The following PAPPA2 variants were observed in gnomAD, a reference collection of about 807,000 sequenced individuals.
PAPPA2 encodes the protein pappalysin 2, also known as pappalysin-2.
PAPPA2 carries 86 observed loss-of-function variants against 176.4 expected under a neutral mutation model. That is an observed-to-expected ratio of 0.49 (90% CI 0.41 to 0.58). The LOEUF (loss-of-function observed/expected upper bound fraction) is 0.58, where lower values mean the gene tolerates loss of function less well. Ranked by LOEUF, PAPPA2 falls within the 20% of genes least tolerant of loss-of-function variation. The pLI, the probability that PAPPA2 is intolerant of heterozygous loss-of-function variation, is 0.00. For synonymous variants in PAPPA2, 809 were observed against 852.2 expected, an observed-to-expected ratio of 0.95 and a Z score of 0.88; for missense variants, 2,073 against 2,256.9, an observed-to-expected ratio of 0.92 and a Z score of 1.65.
intron 1 of PAPPA2, among the ~76,000 whole-genome samples, chr1:176,520,767 T>G (rs138865401): frequency 6.6e-6 from 1 of 152,204 alleles, no homozygotes; most frequent in Non-Finnish European, 1.5e-5. Context: ...GGACTGGTCT[T>G]GCAACCAGCC....
At chr1:176,692,614 C>CTCTG (rs1381478547) in intron 6 of PAPPA2, among the ~76,000 whole-genome samples, 1 of 152,212 alleles carries the variant, frequency 6.6e-6, no homozygotes, top group Non-Finnish European at 1.5e-5. Context: ...TGCCATTTGT[C>CTCTG]TCTGTCAGCT....
At chr1:176,840,056 G>T (rs1667426430) in intron 21 of PAPPA2, 117 bp from the exon 22 acceptor site, 1 of 776,666 alleles carries the variant, frequency 1.3e-6, no homozygotes, top group African/African-American at 1.7e-5. Context: ...TGCACCTTGG[G>T]TGCTTTTCTG....
chr1:176,495,667 G>A (rs372270960), intron 1 of PAPPA2, among the ~76,000 whole-genome samples: 1 of 152,038 alleles, frequency 6.6e-6, no homozygotes, highest in African/African-American at 2.4e-5. Flanking sequence ...GTGCCTCTCA[G>A]TTAAAATATA....
At chr1:176,784,080 A>G (rs1381462156) in intron 17 of PAPPA2, among the ~76,000 whole-genome samples, 4 of 152,162 alleles carry the variant, frequency 2.6e-5, no homozygotes, top group Non-Finnish European at 1.5e-5. Flanking sequence ...AAATCGCTTC[A>G]TGGTTACTAA....
At chr1:176,464,536 C>T (rs921199200) in intron 1 of PAPPA2, among the ~76,000 whole-genome samples, 2 of 152,140 alleles carry the variant, frequency 1.3e-5, no homozygotes, top group African/African-American at 4.8e-5. Flanking sequence ...TTTTATTTTG[C>T]ACCAGGCCTT....
At chr1:176,529,956 G>A (rs765397609) in intron 1 of PAPPA2, among the ~76,000 whole-genome samples, 1 of 152,018 alleles carries the variant, frequency 6.6e-6, no homozygotes, top group African/African-American at 2.4e-5. Context: ...CAATACCAAT[G>A]GACTGGAGAT....
chr1:176,695,167 G>T (rs78894857), intron 6 of PAPPA2, among the ~76,000 whole-genome samples: 2,678 of 152,302 alleles, frequency 0.018, 81 homozygotes, highest in African/African-American at 0.062. Context: ...AGTAGGTGAG[G>T]CTGGAGCTAG....
At chr1:176,561,737 G>A (rs981186799) in intron 2 of PAPPA2, among the ~76,000 whole-genome samples, 6 of 152,142 alleles carry the variant, frequency 3.9e-5, no homozygotes, top group African/African-American at 1.4e-4. Flanking sequence ...AAATGAACAT[G>A]TTCACATAGT....
intron 1 of PAPPA2, among the ~76,000 whole-genome samples, chr1:176,509,999 A>C (rs1463932094): frequency 1.3e-5 from 2 of 152,116 alleles, no homozygotes; most frequent in African/African-American, 2.4e-5. Flanking sequence ...ATGCCACTGC[A>C]CTCCAGCCTG....
intron 3 of PAPPA2, among the ~76,000 whole-genome samples, chr1:176,604,660 G>T (rs962329076): frequency 6.6e-6 from 1 of 152,106 alleles, no homozygotes; most frequent in Admixed American, 6.5e-5. Flanking sequence ...GAAAAAAACT[G>T]CCAACCCCTG....
Position 176,595,320 on chromosome 1 carries a change from C to G in PAPPA2, c.1716C>G (p.Val572=). Residue 572 remains valine (V), a synonymous_variant, in exon 3 of 23, where the codon GTC becomes GTG. Coordinates refer to ENST00000367662, the MANE Select transcript of PAPPA2 (RefSeq NM_020318.3). ...GCTGGCAGCTGAGCGTCCACCAGGT[C>G]CACAATTCCACCCTGCGACACCGGG... ...NISWQLSVHQ[V]HNSTLRHRVV... is the part of the protein sequence containing the mutation. 1 of 1,614,140 alleles carries G rather than the reference C, an allele frequency of 6.2e-7. No homozygotes were observed. Among genetic ancestry groups the G allele is most frequent in the Non-Finnish European group, 8.5e-7 (1 of 1,180,026 alleles).
intron 1 of PAPPA2, among the ~76,000 whole-genome samples, chr1:176,552,757 G>A (rs1651037442): frequency 6.6e-6 from 1 of 152,110 alleles, no homozygotes; most frequent in South Asian, 2.1e-4. Flanking sequence ...TGGTTTGAAA[G>A]CCTGTACCCT....
Position 176,699,471 on chromosome 1 carries a change from C to A in PAPPA2, c.3118C>A (p.Pro1040Thr). ...EIDAALLTSQ[P>T]HSPLCSGCRP... ...TGATGCAGCACTCCTGACTTCTCAG[C>A]CCCACAGTCCCTTGTGCTCTGGCTG... Residue 1040 changes from proline to threonine, a missense_variant, in exon 8 of 23, where the codon CCC (proline) becomes ACC (threonine). Physicochemically the swap from Pro to Thr is conservative, Grantham distance 38. Coordinates refer to ENST00000367662, the MANE Select transcript of PAPPA2 (RefSeq NM_020318.3). The A allele has an allele frequency of 6.2e-7, 1 of 1,614,140 alleles. No homozygotes were observed.
At chr1:176,621,384 C>G (rs982687055) in intron 3 of PAPPA2, among the ~76,000 whole-genome samples, 7 of 152,072 alleles carry the variant, frequency 4.6e-5, no homozygotes, top group Non-Finnish European at 1.5e-5. Flanking sequence ...GATAGACAAA[C>G]GGGGGATATC....
At chr1:176,466,235 A>G (rs547164405) in intron 1 of PAPPA2, among the ~76,000 whole-genome samples, 39 of 152,318 alleles carry the variant, frequency 2.6e-4, no homozygotes, top group Admixed American at 2.3e-3. Flanking sequence ...CTGTAATTGG[A>G]AAAATTGCTG....
chr1:176,661,950 C>T (rs1658383299), intron 3 of PAPPA2, among the ~76,000 whole-genome samples: 1 of 152,002 alleles, frequency 6.6e-6, no homozygotes, highest in Non-Finnish European at 1.5e-5. Context: ...ATTTTGTACA[C>T]ACTTCTATTG....
At chr1:176,785,857 C>A (rs1664912481) in intron 17 of PAPPA2, among the ~76,000 whole-genome samples, 1 of 152,206 alleles carries the variant, frequency 6.6e-6, no homozygotes, top group Non-Finnish European at 1.5e-5. Flanking sequence ...AAAGGGAAGA[C>A]TATTTCCATG....
chr1:176,636,836 C>A (rs907607847), intron 3 of PAPPA2, among the ~76,000 whole-genome samples: 2 of 151,940 alleles, frequency 1.3e-5, no homozygotes, highest in African/African-American at 4.8e-5. Flanking sequence ...TTTTTAAGAA[C>A]CTATGTTCTT....
chr1:176,527,327 T>C (rs1443867295), intron 1 of PAPPA2, among the ~76,000 whole-genome samples: 1 of 152,188 alleles, frequency 6.6e-6, no homozygotes, highest in Non-Finnish European at 1.5e-5. Flanking sequence ...CAATGACAAC[T>C]CTGTGAGGTA....
Sources: allele counts gnomAD v4.1 joint callset (sites outside exome capture counted in the v4.1 genomes callset), GRCh38; gene constraint gnomAD v4.1.1; transcripts MANE v1.5; gene names NCBI Gene and HGNC (gene_info 2026-07-23, HGNC 2026-07-21).